Variants in WIPF1 observed in about 807,000 individuals in gnomAD.
The protein encoded by WIPF1 is WAS/WASL-interacting protein family member 1.
WIPF1 carries 13 observed loss-of-function variants against 35.4 expected under a neutral mutation model. That is an observed-to-expected ratio of 0.37 (90% CI 0.24 to 0.58). The LOEUF (loss-of-function observed/expected upper bound fraction) is 0.58, where lower values mean the gene tolerates loss of function less well. WIPF1 is among the 20% of genes least tolerant of loss of function. The probability of loss-of-function intolerance (pLI) is 0.74; values close to 1 mark genes in which losing one functional copy is unlikely to be tolerated. For missense variants in WIPF1, 591 were observed against 667.0 expected (o/e 0.89, Z 1.25); for synonymous variants, 267 against 266.3 (o/e 1.00, Z -0.02).
intron 1 of WIPF1, chr2:174,629,750 G>A (rs1022731454): frequency 1.3e-5 from 2 of 152,274 alleles, no homozygotes; most frequent in African/African-American, 4.8e-5. Flanking sequence ...CTTCCGCGTA[G>A]CAGGCTGGTG....
intron 1 of WIPF1, among the ~76,000 whole-genome samples, chr2:174,661,271 A>T (rs1687753561): frequency 6.6e-6 from 1 of 152,148 alleles, no homozygotes; most frequent in Non-Finnish European, 1.5e-5. Context: ...GGGTGATTTT[A>T]TTAAAAACAT....
chr2:174,639,833 A>G (rs1333070126), intron 1 of WIPF1, among the ~76,000 whole-genome samples: 1 of 152,144 alleles, frequency 6.6e-6, no homozygotes, highest in African/African-American at 2.4e-5. Context: ...GTAGTTTTAC[A>G]GTTTCAGGTT....
chr2:174,657,983 G>A (rs1687682452), intron 1 of WIPF1, among the ~76,000 whole-genome samples: 1 of 150,614 alleles, frequency 6.6e-6, no homozygotes, highest in African/African-American at 2.4e-5. Flanking sequence ...AGATAAAAGT[G>A]CTCTTTGACT....
chr2:174,653,813 C>T (rs1165993501), intron 1 of WIPF1, among the ~76,000 whole-genome samples: 1 of 151,826 alleles, frequency 6.6e-6, no homozygotes, highest in Non-Finnish European at 1.5e-5. Context: ...CTCTGGATAC[C>T]TGAAAAGAAA....
chr2:174,650,992 G>C (rs957875948), intron 1 of WIPF1, among the ~76,000 whole-genome samples: 1 of 152,230 alleles, frequency 6.6e-6, no homozygotes, highest in African/African-American at 2.4e-5. Context: ...ATTGGCTTTC[G>C]CATTGCTTGT....
Position 174,571,965 on chromosome 2 carries a change from T to C in WIPF1, c.840A>G (p.Glu280=). 6.4e-7 allele frequency: 1 copy of C among 1,567,998 alleles called. No individual in the cohort carries two copies. The highest frequency in any genetic ancestry group is 8.6e-7 in the Non-Finnish European group (1 of 1,158,758). The change falls in exon 5 of 8, where the codon GAA becomes GAG. Residue 280 remains glutamate (E), a synonymous_variant. Transcript: ENST00000679041. This position sits in a 1 kb window ranked among gnomAD's most constrained non-coding sequence, Gnocchi z 4.6. ...PVGNRPSIHR[E]AVPPPPPQNN... is the part of the protein sequence containing the mutation. ...TCTGAGGAGGAGGAGGGGGAACCGC[T>C]TCCCTGTGGATGGAGGGCCTGTTGC... is the stretch of plus-strand genomic sequence containing the variant.
chr2:174,568,050 C>T lies in WIPF1; in HGVS notation c.1153G>A (p.Val385Ile). ...RSGPLPPPPP[V>I]SRNGSTSRAL... ...CGAGATGTGCTGCCGTTTCTGCTTA[C>T]TGGAGGAGGTGGTGGGAGGGGGCCT... The change falls in exon 6 of 8, where the codon GTA becomes ATA. Residue 385 changes from valine (V) to isoleucine (I), a missense_variant. Physicochemically the swap from Val to Ile is conservative, Grantham distance 29 (BLOSUM62 3). This residue lies in a region of WIPF1 where 3 missense variants were observed against 16.3 expected (regional missense o/e 0.18). Coordinates refer to ENST00000679041, the MANE Select transcript of WIPF1 (RefSeq NM_001375834.1). 1 of 1,613,044 alleles carries T rather than the reference C, an allele frequency of 6.2e-7. No individual in the cohort carries two copies. Among genetic ancestry groups the T allele is most frequent in the South Asian group, 1.1e-5 (1 of 91,062 alleles).
At chr2:174,668,219 G>A (rs960018230) in intron 1 of WIPF1, among the ~76,000 whole-genome samples, 3 of 152,158 alleles carry the variant, frequency 2.0e-5, no homozygotes, top group South Asian at 2.1e-4. Flanking sequence ...GAAGAGAAAC[G>A]AACTGGAACC....
chr2:174,680,842 C>A (rs1230724105), intron 1 of WIPF1, among the ~76,000 whole-genome samples: 1 of 152,178 alleles, frequency 6.6e-6, no homozygotes, highest in Non-Finnish European at 1.5e-5. Context: ...CCTTTTGCTG[C>A]TTCCTTCACA....
In WIPF1 at chr2:174,565,344, T is replaced by A. The variant is rs546007837; in HGVS notation, c.1456+1726A>T. Among the ~76,000 whole-genome samples, 2 of 152,372 alleles carry A rather than the reference T, an allele frequency of 1.3e-5. 1 individual carries two copies. The highest frequency in any genetic ancestry group is 4.1e-4 in the South Asian group (2 of 4,832). On this transcript the variant is annotated intron_variant, in intron 7 of 7. Transcript: ENST00000679041. ...CCTTTTAAGCAGTAGTATTCTGTTT[T>A]CTTCTAGCATTTGTCCATGGAAATT...
In WIPF1 at chr2:174,582,555, T is replaced by C. The variant is rs565748466; in HGVS notation, c.52-1116A>G. On this transcript the variant is annotated intron_variant, in intron 2 of 7. Coordinates refer to ENST00000679041, the MANE Select transcript of WIPF1 (RefSeq NM_001375834.1). ...ACCTTACCCAGCCTTTAAAAAACAA[T>C]TTTTTTTTAGAGACAGAGTCTCATT... Among the ~76,000 whole-genome samples the C allele has an allele frequency of 2.0e-4, 30 of 151,784 alleles. No individual in the cohort carries two copies. The South Asian group carries it at 6.0e-3, about 31-fold the overall frequency.
rs963987664 is a variant in WIPF1, at chr2:174,639,357, G to A, written c.-39+43417C>T. Reference sequence around the variant, plus strand: ...TGCAGCCTCAAACTCAGGCTTAAGTGATCCTCCTGCCTTGGCCTCTTGAGT... The same window carrying A: ...TGCAGCCTCAAACTCAGGCTTAAGTAATCCTCCTGCCTTGGCCTCTTGAGT... On this transcript the variant is annotated intron_variant, in intron 1 of 8. Transcript: ENST00000272746. 4.6e-5 allele frequency among the ~76,000 whole-genome samples: 7 copies of A among 152,264 alleles called. No homozygotes were observed. In the East Asian group the frequency reaches 5.8e-4, roughly 13 times the overall value.
chr2:174,671,450 A>AATCTGGGCACCTTGAAAAAAGAACACG (rs1243229152), intron 1 of WIPF1, among the ~76,000 whole-genome samples: 2 of 152,196 alleles, frequency 1.3e-5, no homozygotes, highest in Non-Finnish European at 2.9e-5. Flanking sequence ...AACAATATGA[A>AATCTGGGCACCTTGAAAAAAGAACACG]ATCTGGGCAC....
At chr2:174,595,274 G>C (rs1419647053) in intron 1 of WIPF1, among the ~76,000 whole-genome samples, 1 of 115,248 alleles carries the variant, frequency 8.7e-6, no homozygotes, top group Non-Finnish European at 1.7e-5. Context: ...GTGGATGACA[G>C]AGCAAAACCC....
intron 1 of WIPF1, among the ~76,000 whole-genome samples, chr2:174,654,269 TG>T (rs1283716793): frequency 6.6e-6 from 1 of 152,246 alleles, no homozygotes; most frequent in African/African-American, 2.4e-5. Context: ...TCAAATCACT[TG>T]GGAATAGACA....
intron 1 of WIPF1, chr2:174,625,970 G>A (rs998814987): frequency 2.0e-5 from 3 of 152,190 alleles, no homozygotes; most frequent in African/African-American, 7.2e-5. Context: ...TCTACAGGAA[G>A]ACGGCATAGT....
intron 1 of WIPF1, among the ~76,000 whole-genome samples, chr2:174,639,649 C>G (rs1687256729): frequency 6.6e-6 from 1 of 151,954 alleles, no homozygotes; most frequent in Admixed American, 6.6e-5. Context: ...AATATTTTCT[C>G]CCATTCGGTA....
At chr2:174,631,354 A>G (rs1358341481) in intron 1 of WIPF1, among the ~76,000 whole-genome samples, 2 of 152,114 alleles carry the variant, frequency 1.3e-5, no homozygotes, top group Non-Finnish European at 2.9e-5. Context: ...AAGTGAAATA[A>G]AGCAGAAACA....
rs908794006 is a variant in WIPF1, at chr2:174,617,477, G to A, written c.-38-31866C>T. ...ACCCCTCGTACATGTTCATCTACCT[G>A]CTGTCTGCTTAATACTGAGCTATAG... On this transcript the variant is annotated intron_variant, in intron 1 of 8. Transcript: ENST00000272746. Among the ~76,000 whole-genome samples, 6 of 152,298 alleles carry A rather than the reference G, an allele frequency of 3.9e-5. No homozygotes were observed. In the South Asian group the frequency reaches 1.0e-3, roughly 26 times the overall value.
Sources: gnomAD v4.1 joint callset for allele counts (sites outside exome capture counted in the v4.1 genomes callset) on GRCh38, gnomAD v4.1.1 for gene constraint, gnomAD v4.1.1 regional missense constraint, Gnocchi (gnomAD v3.1) non-coding constraint, MANE v1.5 for transcripts, NCBI Gene and HGNC (gene_info 2026-07-23, HGNC 2026-07-21) for gene names.